The following CFI variants were observed in gnomAD, a reference collection of about 807,000 sequenced individuals.
CFI encodes C3B/C4B inactivator.
CFI carries 66 observed loss-of-function variants against 78.8 expected under a neutral mutation model. That is an observed-to-expected ratio of 0.84 (90% CI 0.69 to 1.03). CFI has a LOEUF of 1.03. Among genes scored for constraint, CFI ranks in the 50% least tolerant of loss-of-function variants. The pLI is 0.00. For missense variants in CFI, 706 were observed against 704.5 expected (o/e 1.00, Z -0.02); for synonymous variants, 250 against 232.6 (o/e 1.07, Z -0.68).
intron 10 of CFI, 52 bp from the exon 11 acceptor site, chr4:109,746,554 G>A: frequency 1.4e-6 from 2 of 1,394,504 alleles, no homozygotes; most frequent in African/African-American, 1.5e-5. Context: ...AATATAAATA[G>A]GAATTCTGAC....
chr4:109,770,556 T>TA (rs11310218), intron 1 of CFI, among the ~76,000 whole-genome samples: 1 of 123,454 alleles, frequency 8.1e-6, no homozygotes. Flanking sequence ...ACTCCATCTC[T>TA]AAAAAAAAAA....
intron 6 of CFI, 137 bp downstream of exon 6, chr4:109,760,133 G>A: frequency 5.6e-6 from 4 of 716,980 alleles, no homozygotes; most frequent in Non-Finnish European, 1.0e-5. Context: ...ACATTCCATA[G>A]TTCTGCAAAT....
chr4:109,780,032 C>T (rs1434053379), intron 1 of CFI, among the ~76,000 whole-genome samples: 4 of 151,914 alleles, frequency 2.6e-5, no homozygotes, highest in Admixed American at 2.6e-4. Context: ...GACCTAAAAC[C>T]ATAAAAACCC....
At chr4:109,750,433 T>A (rs1229650117) in intron 8 of CFI, among the ~76,000 whole-genome samples, 1 of 152,188 alleles carries the variant, frequency 6.6e-6, no homozygotes, top group Non-Finnish European at 1.5e-5. Flanking sequence ...TCTCATTTAA[T>A]CATCCTATTA....
At chr4:109,745,254 CT>C (rs1177461501) in intron 11 of CFI, among the ~76,000 whole-genome samples, 1 of 152,164 alleles carries the variant, frequency 6.6e-6, no homozygotes, top group Non-Finnish European at 1.5e-5. Flanking sequence ...ACAATCATGG[CT>C]CACTGCAACC....
At chr4:109,791,600 C>G (rs1049579853) in intron 1 of CFI, among the ~76,000 whole-genome samples, 2 of 152,062 alleles carry the variant, frequency 1.3e-5, no homozygotes, top group African/African-American at 4.8e-5. Context: ...TTTAATCTAT[C>G]TTGAGTTAAT....
rs565812660 is a variant in CFI at position 109,757,863 on chromosome 4, T to C, written c.884-80A>G. 8.7e-5 allele frequency: 112 copies of C among 1,291,516 alleles called. 2 individuals are homozygous for C. Among genetic ancestry groups the C allele is most frequent in the Non-Finnish European group, 1.2e-4 (109 of 930,860 alleles). 80.0% of individuals were successfully genotyped at this position (1,291,516 alleles called of 1,614,324 possible). On this transcript the variant is annotated intron_variant, in intron 6 of 12. Coordinates refer to ENST00000394634, the MANE Select transcript of CFI (RefSeq NM_000204.5). Reference sequence around the variant, plus strand: ...ACACTATAGCAATATACTATACATATATCATGAAAACCATTGCACCTTATT... The same window carrying C: ...ACACTATAGCAATATACTATACATACATCATGAAAACCATTGCACCTTATT...
rs192091618 is a variant in CFI at position 109,754,086 on chromosome 4, C to T, written c.905-1583G>A. Among the ~76,000 whole-genome samples, 1,015 of 151,502 alleles carry T rather than the reference C, an allele frequency of 6.7e-3. 9 individuals are homozygous for T. The highest frequency in any genetic ancestry group is 0.023 in the African/African-American group (959 of 41,344). On this transcript the variant is annotated intron_variant, in intron 7 of 12. Transcript: ENST00000394634. Reference sequence around the variant, plus strand: ...GCAACATCCGCCTCCCAGGTTCAAGCGATTCTCCTGCCTCAGCCTCCCGAG... The same window carrying T: ...GCAACATCCGCCTCCCAGGTTCAAGTGATTCTCCTGCCTCAGCCTCCCGAG...
chr4:109,783,642 A>G (rs1003513927), intron 1 of CFI, among the ~76,000 whole-genome samples: 8 of 151,812 alleles, frequency 5.3e-5, no homozygotes, highest in Non-Finnish European at 1.2e-4. Context: ...TAAAAGTAGA[A>G]CTACCATCAG....
chr4:109,772,775 G>A (rs1728757425), intron 1 of CFI, among the ~76,000 whole-genome samples: 1 of 151,800 alleles, frequency 6.6e-6, no homozygotes, highest in South Asian at 2.1e-4. Flanking sequence ...GTAGAGATGG[G>A]GCCTCACTAT....
rs564001778 is a variant in CFI at position 109,784,015 on chromosome 4, G to C, written c.58-17191C>G. ...CCCAAAGACATAAGAATAATAAAAT[G>C]AACTTTGGAGACTTGGAGGGAAGAG... On this transcript the variant is annotated intron_variant, in intron 1 of 12. Transcript: ENST00000394634. Among the ~76,000 whole-genome samples the C allele has an allele frequency of 7.3e-5, 11 of 151,620 alleles. No homozygotes were observed. The South Asian group carries it at 1.5e-3, about 20-fold the overall frequency.
In CFI at chr4:109,754,209, C is replaced by T. The variant is rs180919580; in HGVS notation, c.905-1706G>A. On this transcript the variant is annotated intron_variant, in intron 7 of 12. Coordinates refer to ENST00000394634, the MANE Select transcript of CFI (RefSeq NM_000204.5). Reference sequence around the variant, plus strand: ...ATATTGGTCAGGCTGGTCTTGAACTCCTGACCTCGTGATCCACCCGCCTTG... The same window carrying T: ...ATATTGGTCAGGCTGGTCTTGAACTTCTGACCTCGTGATCCACCCGCCTTG... Among the ~76,000 whole-genome samples, 1,389 of 150,988 alleles carry T rather than the reference C, an allele frequency of 9.2e-3. 63 individuals are homozygous for T. In the East Asian group the frequency reaches 0.13, roughly 14 times the overall value.
intron 1 of CFI, among the ~76,000 whole-genome samples, chr4:109,789,114 A>C (rs565760444): frequency 6.6e-5 from 10 of 152,090 alleles, no homozygotes; most frequent in African/African-American, 2.4e-4. Flanking sequence ...AGAAGAAAAG[A>C]CTGGGAAACT....
chr4:109,750,026 T>C (rs1302907918), intron 8 of CFI, among the ~76,000 whole-genome samples: 2 of 152,036 alleles, frequency 1.3e-5, no homozygotes, highest in African/African-American at 4.8e-5. Flanking sequence ...AGATGGAGTC[T>C]CAGTCTTGTG....
Position 109,792,941 on chromosome 4 carries a change from T to A in CFI, c.57+8974A>T, listed in dbSNP as rs143360663. On this transcript the variant is annotated intron_variant, in intron 1 of 12. Transcript: ENST00000394634. ...CAATCTCTGCCTTTTGATATTAGAA[T>A]TTAATCCACTTCCATTTAAAGTAAT... Among the ~76,000 whole-genome samples the A allele has an allele frequency of 9.8e-3, 1,492 of 152,312 alleles. 20 individuals carry two copies. The highest frequency in any genetic ancestry group is 0.033 in the African/African-American group (1,371 of 41,544).
chr4:109,785,553 C>T (rs932307437), intron 1 of CFI, among the ~76,000 whole-genome samples: 1 of 151,684 alleles, frequency 6.6e-6, no homozygotes, highest in Non-Finnish European at 1.5e-5. Flanking sequence ...TCCCCAAAAT[C>T]TTTTTAACAA....
intron 1 of CFI, among the ~76,000 whole-genome samples, chr4:109,769,581 G>A (rs566849485): frequency 5.4e-4 from 82 of 152,248 alleles, no homozygotes; most frequent in African/African-American, 1.7e-3. Flanking sequence ...TCTCTCATGC[G>A]GGGTACTATG....
At chr4:109,734,594 G>A in the CFI span, among the ~76,000 whole-genome samples, 1 of 152,152 alleles carries the variant, frequency 6.6e-6, no homozygotes, top group African/African-American at 2.4e-5. Context: ...ACACGGTCAG[G>A]AGTTCGAGAC....
At chr4:109,760,482 AAAATG>A (rs1197872406) in intron 5 of CFI, 36 bp downstream of exon 5, 2 of 1,493,512 alleles carry the variant, frequency 1.3e-6, no homozygotes, top group South Asian at 2.3e-5. Context: ...TTTAGTCAGA[AAAATG>A]AATTTAGAGG....
Sources: allele counts gnomAD v4.1 joint callset (sites outside exome capture counted in the v4.1 genomes callset), GRCh38; gene constraint gnomAD v4.1.1; transcripts MANE v1.5; gene names NCBI Gene and HGNC (gene_info 2026-07-23, HGNC 2026-07-21).